The following LRP1B variants were observed in gnomAD, a reference collection of about 807,000 sequenced individuals.
LRP1B encodes LDL receptor related protein 1B.
A neutral mutation model predicts 556.6 loss-of-function variants in LRP1B; 217 were observed. The observed-to-expected ratio is 0.39, with a 90% CI of 0.35 to 0.44. LRP1B has a LOEUF of 0.44. LRP1B is among the 20% of genes least tolerant of loss of function. The pLI, the probability that LRP1B is intolerant of heterozygous loss-of-function variation, is 1.00. For missense variants in LRP1B, 5,053 were observed against 5,620.8 expected (o/e 0.90, Z 3.23); for synonymous variants, 2,047 against 1,865.8 (o/e 1.10, Z -2.50).
intron 35 of LRP1B, among the ~76,000 whole-genome samples, chr2:140,755,867 A>C (rs949870535): frequency 2.6e-5 from 4 of 151,978 alleles, no homozygotes; most frequent in Non-Finnish European, 5.9e-5. Flanking sequence ...TAGAAGGAGA[A>C]GAAGGAGGAG....
intron 71 of LRP1B, among the ~76,000 whole-genome samples, chr2:140,365,745 T>C (rs1682731321): frequency 6.6e-6 from 1 of 151,680 alleles, no homozygotes; most frequent in Non-Finnish European, 1.5e-5. Flanking sequence ...AGGGTTACAC[T>C]ACCTAGTTAA....
At chr2:140,941,236 T>C (rs553760781) in intron 20 of LRP1B, among the ~76,000 whole-genome samples, 9 of 152,164 alleles carry the variant, frequency 5.9e-5, no homozygotes, top group Non-Finnish European at 4.4e-5. Flanking sequence ...TAGAACTCCT[T>C]TTTGAAGAAA....
chr2:141,927,694 CA>C (rs1700370781), intron 1 of LRP1B, among the ~76,000 whole-genome samples: 1 of 151,978 alleles, frequency 6.6e-6, no homozygotes, highest in Non-Finnish European at 1.5e-5. Context: ...CTGACTAATA[CA>C]TATGGCAGCC....
At chr2:140,428,967 A>G (rs58190714) in intron 66 of LRP1B, among the ~76,000 whole-genome samples, 132 of 151,936 alleles carry the variant, frequency 8.7e-4, no homozygotes, top group African/African-American at 3.1e-3. Flanking sequence ...TCTCATTGCC[A>G]CCCTTCTTCC....
intron 8 of LRP1B, among the ~76,000 whole-genome samples, chr2:141,061,019 T>A (rs1670865622): frequency 6.6e-6 from 1 of 151,752 alleles, no homozygotes; most frequent in Admixed American, 6.6e-5. Flanking sequence ...AAGGTTTAAT[T>A]TTTTAATTGC....
chr2:141,962,440 GC>G (rs1701427899), intron 1 of LRP1B, among the ~76,000 whole-genome samples: 1 of 151,650 alleles, frequency 6.6e-6, no homozygotes, highest in Non-Finnish European at 1.5e-5. Context: ...TTTATAATTA[GC>G]CAGAAAATGT....
intron 3 of LRP1B, among the ~76,000 whole-genome samples, chr2:141,442,265 C>T (rs1681005509): frequency 6.6e-6 from 1 of 151,964 alleles, no homozygotes; most frequent in East Asian, 1.9e-4. Flanking sequence ...GCAACATACA[C>T]TTATGAGAAA....
At chr2:141,822,130 C>CACACACAG (rs374369026) in intron 1 of LRP1B, among the ~76,000 whole-genome samples, 1,223 of 95,788 alleles carry the variant, frequency 0.013, 13 homozygotes, top group East Asian at 0.055. Context: ...CACACACACA[C>CACACACAG]AGAGAGAGAG....
rs184705172 is a variant in LRP1B at position 141,115,724 on chromosome 2, C to T, written c.1014-53451G>A. 2.4e-3 allele frequency among the ~76,000 whole-genome samples: 370 copies of T among 151,790 alleles called. 4 individuals carry two copies. The highest frequency in any genetic ancestry group is 0.014 in the South Asian group (69 of 4,796). ...GTCTCGATCTCCTGACCTCATGATC[C>T]GCCCCTCTCGGACTCCCAAAGTGCT... is the stretch of plus-strand genomic sequence containing the variant. On this transcript the variant is annotated intron_variant, in intron 7 of 90. Transcript: ENST00000389484.
chr2:141,005,872 A>G (rs1697559781), intron 14 of LRP1B, among the ~76,000 whole-genome samples: 1 of 151,980 alleles, frequency 6.6e-6, no homozygotes, highest in Admixed American at 6.6e-5. Context: ...AGGGTAGGGT[A>G]TTCTTTTCTC....
chr2:142,063,284 A>G (rs1420420623), intron 1 of LRP1B, among the ~76,000 whole-genome samples: 1 of 151,546 alleles, frequency 6.6e-6, no homozygotes. Context: ...CCTCATCTTA[A>G]TTGTTTTCTA....
At chr2:140,914,328 C>T (rs189102079) in intron 21 of LRP1B, among the ~76,000 whole-genome samples, 1 of 152,050 alleles carries the variant, frequency 6.6e-6, no homozygotes, top group African/African-American at 2.4e-5. Flanking sequence ...TAAGTAACCT[C>T]AGTAGGACTA....
chr2:140,529,206 A>C (rs1456487502), intron 47 of LRP1B, among the ~76,000 whole-genome samples: 5 of 152,184 alleles, frequency 3.3e-5, no homozygotes, highest in Middle Eastern at 3.4e-3. Flanking sequence ...ATTGTGGATC[A>C]AAAGTAGCAG....
chr2:141,494,876 C>A (rs1019206384), intron 2 of LRP1B, among the ~76,000 whole-genome samples: 1 of 150,806 alleles, frequency 6.6e-6, no homozygotes, highest in African/African-American at 2.4e-5. Flanking sequence ...TTACTAATAG[C>A]GGTAATGACA....
chr2:140,810,688 G>A (rs1690887780), intron 32 of LRP1B, among the ~76,000 whole-genome samples: 3 of 152,130 alleles, frequency 2.0e-5, no homozygotes, highest in South Asian at 2.1e-4. Flanking sequence ...ACTGCTAGGT[G>A]TATTTTGGTA....
At chr2:140,964,158 GAGAA>G (rs1696124688) in intron 18 of LRP1B, among the ~76,000 whole-genome samples, 1 of 152,188 alleles carries the variant, frequency 6.6e-6, no homozygotes, top group Non-Finnish European at 1.5e-5. Flanking sequence ...AGGAGACAAA[GAGAA>G]AGACAGCTTA....
chr2:141,836,726 T>C (rs1482386275), intron 1 of LRP1B, among the ~76,000 whole-genome samples: 3 of 152,008 alleles, frequency 2.0e-5, no homozygotes, highest in Non-Finnish European at 4.4e-5. Context: ...GTGCGGAACA[T>C]GAATATCTCA....
intron 66 of LRP1B, among the ~76,000 whole-genome samples, chr2:140,440,308 A>T (rs1180745756): frequency 1.3e-5 from 2 of 152,182 alleles, no homozygotes; most frequent in Non-Finnish European, 2.9e-5. Flanking sequence ...GCCACTCTTA[A>T]TGCAATCCTA....
At chr2:141,402,981 G>A (rs991950757) in intron 3 of LRP1B, among the ~76,000 whole-genome samples, 41 of 152,120 alleles carry the variant, frequency 2.7e-4, no homozygotes, top group African/African-American at 9.4e-4. Flanking sequence ...GAGATGGAGA[G>A]GAAAGGGGCA....
Sources: allele counts gnomAD v4.1 joint callset (sites outside exome capture counted in the v4.1 genomes callset), GRCh38; gene constraint gnomAD v4.1.1; transcripts MANE v1.5; gene names NCBI Gene and HGNC (gene_info 2026-07-23, HGNC 2026-07-21).